NPR3: variants seen among roughly 807,000 people sequenced by gnomAD.
The protein encoded by NPR3 is natriuretic peptide receptor 3.
A neutral mutation model predicts 54.5 loss-of-function variants in NPR3; 34 were observed. The ratio of observed to expected loss-of-function variants is 0.62; its 90% CI spans 0.47 to 0.83. The LOEUF (loss-of-function observed/expected upper bound fraction) is 0.83. Among genes scored for constraint, NPR3 ranks in the 40% least tolerant of loss-of-function variants. NPR3 has a pLI of 0.00. For missense variants in NPR3, 674 were observed against 720.8 expected (o/e 0.94, Z 0.74); for synonymous variants, 289 against 297.1 (o/e 0.97, Z 0.28).
At chr5:32,699,911 A>C (rs1190178053) in intron 1 of NPR3, among the ~76,000 whole-genome samples, 2 of 152,200 alleles carry the variant, frequency 1.3e-5, no homozygotes, top group Non-Finnish European at 2.9e-5. Context: ...TAGCTTTTGC[A>C]CTACTGGGAA....
At chr5:32,774,588 C>T (rs896913342) in intron 3 of NPR3, 120 bp from the exon 4 acceptor site, 4 of 746,186 alleles carry the variant, frequency 5.4e-6, no homozygotes, top group African/African-American at 3.4e-5. Flanking sequence ...CCCCTTCTGC[C>T]CACCTCTGCC....
At chr5:32,715,577 A>T (rs1738502778) in intron 1 of NPR3, among the ~76,000 whole-genome samples, 1 of 152,250 alleles carries the variant, frequency 6.6e-6, no homozygotes, top group African/African-American at 2.4e-5. Context: ...TGCCACTAAA[A>T]TAAACAGACC....
In NPR3 at chr5:32,724,647, G is replaced by A. The variant is rs541219162; in HGVS notation, c.770-51G>A. 5.3e-5 allele frequency: 86 copies of A among 1,609,028 alleles called. 1 individual carries two copies. In the South Asian group the frequency reaches 8.0e-4, roughly 15 times the overall value. ...GTCCCTTACTGGTGTCAGCATGCTC[G>A]AAGTGCTCTGCAAAGGGGTGCCTCA... is the stretch of plus-strand genomic sequence containing the variant. On this transcript the variant is annotated intron_variant, in intron 1 of 7. Transcript: ENST00000265074.
In NPR3 at chr5:32,730,296, T is replaced by G. The variant is rs997424373; in HGVS notation, c.892+5476T>G. ...GATTTTAAAAATAAAAAATAAAAAA[T>G]TATAAAACCAGGAACATAGGGGAAC... On this transcript the variant is annotated intron_variant, in intron 2 of 7. Coordinates refer to ENST00000265074, the MANE Select transcript of NPR3 (RefSeq NM_001204375.2). 1.3e-4 allele frequency among the ~76,000 whole-genome samples: 19 copies of G among 151,676 alleles called. 1 individual carries two copies. Among genetic ancestry groups the G allele is most frequent in the African/African-American group, 4.1e-4 (17 of 41,282 alleles).
chr5:32,703,367 G>GAACA (rs1561068771), intron 1 of NPR3, among the ~76,000 whole-genome samples: 5 of 150,496 alleles, frequency 3.3e-5, no homozygotes, highest in African/African-American at 1.2e-4. Context: ...TGGCACTTAA[G>GAACA]CTTTGAGACA....
At chr5:32,715,656 G>A (rs900234857) in intron 1 of NPR3, among the ~76,000 whole-genome samples, 1 of 152,034 alleles carries the variant, frequency 6.6e-6, no homozygotes, top group Non-Finnish European at 1.5e-5. Context: ...GCCAGCTACT[G>A]CCCTCAATAT....
chr5:32,731,371 T>C (rs778563591), intron 2 of NPR3, among the ~76,000 whole-genome samples: 3 of 152,188 alleles, frequency 2.0e-5, no homozygotes, highest in Non-Finnish European at 4.4e-5. Context: ...TGCCATGAAC[T>C]AGCTGTTAAC....
intron 1 of NPR3, among the ~76,000 whole-genome samples, chr5:32,693,371 T>C (rs1406297980): frequency 6.6e-6 from 1 of 152,186 alleles, no homozygotes; most frequent in African/African-American, 2.4e-5. Context: ...TTTGGATTTA[T>C]CATTGGTAAA....
At chr5:32,765,584 T>C (rs184302207) in intron 3 of NPR3, among the ~76,000 whole-genome samples, 2 of 152,274 alleles carry the variant, frequency 1.3e-5, no homozygotes, top group Middle Eastern at 3.4e-3. Flanking sequence ...GTTTGGCTTG[T>C]GCATCAGGGA....
intron 1 of NPR3, 105 bp from the exon 2 acceptor site, chr5:32,724,593 C>G: frequency 4.5e-6 from 6 of 1,322,284 alleles, no homozygotes; most frequent in Non-Finnish European, 5.3e-6. Context: ...TACTTCAGGA[C>G]CATATAAGTA....
intron 3 of NPR3, among the ~76,000 whole-genome samples, chr5:32,771,018 T>C (rs1045817916): frequency 3.3e-5 from 5 of 152,048 alleles, no homozygotes; most frequent in Admixed American, 2.0e-4. Context: ...GGAGGGCCAA[T>C]AGGAAGTGTT....
chr5:32,729,687 T>A (rs1017488013), intron 2 of NPR3, among the ~76,000 whole-genome samples: 9 of 152,190 alleles, frequency 5.9e-5, no homozygotes, highest in African/African-American at 2.2e-4. Flanking sequence ...CTGTAGGCAA[T>A]TATAGCATGA....
At chr5:32,759,663 A>T (rs1428087280) in intron 3 of NPR3, among the ~76,000 whole-genome samples, 1 of 151,814 alleles carries the variant, frequency 6.6e-6, no homozygotes, top group East Asian at 1.9e-4. Flanking sequence ...TTAGCTGGTT[A>T]TTTTGCTCGT....
At chr5:32,764,407 T>G (rs191425405) in intron 3 of NPR3, among the ~76,000 whole-genome samples, 12 of 152,178 alleles carry the variant, frequency 7.9e-5, no homozygotes, top group Non-Finnish European at 1.3e-4. Context: ...AGTTTCCAAA[T>G]AGTGTTGTCT....
chr5:32,757,685 G>C (rs1041809087), intron 3 of NPR3, among the ~76,000 whole-genome samples: 5 of 152,122 alleles, frequency 3.3e-5, no homozygotes, highest in Non-Finnish European at 7.4e-5. Flanking sequence ...TGCTAGTTTT[G>C]AAAGGGAATG....
intron 1 of NPR3, among the ~76,000 whole-genome samples, chr5:32,697,445 C>CT (rs56946705): frequency 0.33 from 47,961 of 145,658 alleles, 8,695 homozygotes; most frequent in Middle Eastern, 0.48. Flanking sequence ...AGTTTTCTTT[C>CT]TTTTTTTTTT....
intron 3 of NPR3, among the ~76,000 whole-genome samples, chr5:32,755,835 T>C (rs1740807711): frequency 6.6e-6 from 1 of 152,208 alleles, no homozygotes; most frequent in South Asian, 2.1e-4. Context: ...TTCCCACCTA[T>C]GAGTGAGAAC....
intron 1 of NPR3, among the ~76,000 whole-genome samples, chr5:32,724,020 G>A (rs2111889641): frequency 6.6e-6 from 1 of 152,170 alleles, no homozygotes; most frequent in Non-Finnish European, 1.5e-5. Context: ...ACAGAATCAT[G>A]CTTATTTACC....
chr5:32,692,967 A>G (rs1740432971), intron 1 of NPR3, among the ~76,000 whole-genome samples: 1 of 152,132 alleles, frequency 6.6e-6, no homozygotes, highest in South Asian at 2.1e-4. Context: ...ACAAAAAAAT[A>G]AAAAAATTAG....
Sources: allele counts gnomAD v4.1 joint callset (sites outside exome capture counted in the v4.1 genomes callset), GRCh38; gene constraint gnomAD v4.1.1; transcripts MANE v1.5; gene names NCBI Gene and HGNC (gene_info 2026-07-23, HGNC 2026-07-21).